SLC44A5: variants seen among roughly 807,000 people sequenced by gnomAD.
The protein encoded by SLC44A5 is choline transporter-like protein 5.
A neutral mutation model predicts 101.8 loss-of-function variants in SLC44A5; 57 were observed. That is an observed-to-expected ratio of 0.56 (90% CI 0.45 to 0.70). The LOEUF (loss-of-function observed/expected upper bound fraction) is 0.70. Ranked by LOEUF, SLC44A5 falls within the 30% of genes least tolerant of loss-of-function variation. The pLI is 0.00. For missense variants in SLC44A5, 737 were observed against 853.1 expected, an observed-to-expected ratio of 0.86 and a Z score of 1.70; for synonymous variants, 281 against 290.9, an observed-to-expected ratio of 0.97 and a Z score of 0.35.
chr1:75,424,571 A>G (rs1055722253), intron 2 of SLC44A5, among the ~76,000 whole-genome samples: 24 of 152,126 alleles, frequency 1.6e-4, no homozygotes, highest in African/African-American at 5.8e-4. Context: ...TCTCTAAAGT[A>G]GTTTTAAATA....
At chr1:75,225,000 C>G (rs1647167680) in intron 13 of SLC44A5, among the ~76,000 whole-genome samples, 1 of 152,006 alleles carries the variant, frequency 6.6e-6, no homozygotes, top group African/African-American at 2.4e-5. Context: ...TTATTGTAGC[C>G]TACATGTACA....
At chr1:75,453,612 T>G (rs923542613) in intron 2 of SLC44A5, among the ~76,000 whole-genome samples, 5 of 151,996 alleles carry the variant, frequency 3.3e-5, no homozygotes, top group African/African-American at 1.2e-4. Context: ...AACCAAAAGT[T>G]GCTTATTTGA....
chr1:75,639,020 T>C, the SLC44A5 span, among the ~76,000 whole-genome samples: 3 of 151,758 alleles, frequency 2.0e-5, no homozygotes, highest in Non-Finnish European at 4.4e-5. Context: ...AACTGGAGAG[T>C]AGATGAGTGA....
intron 2 of SLC44A5, among the ~76,000 whole-genome samples, chr1:75,483,185 G>A (rs1319642465): frequency 6.6e-6 from 1 of 152,214 alleles, no homozygotes; most frequent in Admixed American, 6.5e-5. Context: ...AAACTGGCCT[G>A]AGGGAAACAG....
At chr1:75,489,471 G>A (rs1471916034) in intron 2 of SLC44A5, among the ~76,000 whole-genome samples, 1 of 152,152 alleles carries the variant, frequency 6.6e-6, no homozygotes, top group Non-Finnish European at 1.5e-5. Flanking sequence ...TCAATAACTA[G>A]GTTTTTCATT....
At chr1:75,510,746 T>C (rs957624138) in intron 2 of SLC44A5, among the ~76,000 whole-genome samples, 10 of 152,210 alleles carry the variant, frequency 6.6e-5, no homozygotes, top group Admixed American at 2.0e-4. Flanking sequence ...AAATTCTTAA[T>C]GTGCCTTGAT....
At chr1:75,624,512 A>G in the SLC44A5 span, among the ~76,000 whole-genome samples, 373 of 152,168 alleles carry the variant, frequency 2.5e-3, 3 homozygotes, top group African/African-American at 8.7e-3. Flanking sequence ...CTCTTCTCCA[A>G]TCTTTCTTCT....
At chr1:75,683,926 T>C in the SLC44A5 span, among the ~76,000 whole-genome samples, 4 of 138,458 alleles carry the variant, frequency 2.9e-5, no homozygotes, top group Admixed American at 1.4e-4. Flanking sequence ...GCCATATTTA[T>C]AGAAGACAAA....
intron 6 of SLC44A5, among the ~76,000 whole-genome samples, chr1:75,263,018 A>G (rs1157252292): frequency 6.6e-6 from 1 of 152,244 alleles, no homozygotes; most frequent in Non-Finnish European, 1.5e-5. Flanking sequence ...ACCTTAAACC[A>G]TAAAAAACCC....
chr1:75,276,971 C>A (rs1651973820), intron 5 of SLC44A5, among the ~76,000 whole-genome samples: 1 of 152,302 alleles, frequency 6.6e-6, no homozygotes, highest in South Asian at 2.1e-4. Context: ...CAAGGGGAAG[C>A]AGGGTCAGGT....
chr1:75,219,521 G>C (rs1181012641), intron 15 of SLC44A5, among the ~76,000 whole-genome samples, 177 bp from the exon 16 acceptor site: 1 of 152,162 alleles, frequency 6.6e-6, no homozygotes, highest in African/African-American at 2.4e-5. Context: ...CAGCTGCACT[G>C]AGTGGCCCCT....
chr1:75,320,742 C>T (rs192108799), intron 4 of SLC44A5, among the ~76,000 whole-genome samples: 15 of 152,200 alleles, frequency 9.9e-5, no homozygotes, highest in African/African-American at 2.6e-4. Flanking sequence ...TAAAGAGGTA[C>T]GTGACCTAAA....
intron 3 of SLC44A5, among the ~76,000 whole-genome samples, chr1:75,343,903 G>GC (rs1250328924): frequency 9.9e-5 from 15 of 152,198 alleles, no homozygotes; most frequent in Non-Finnish European, 1.5e-4. Context: ...CATGTTCTTA[G>GC]CCATTTCTTA....
intron 2 of SLC44A5, among the ~76,000 whole-genome samples, chr1:75,485,430 C>A (rs1327306453): frequency 6.6e-6 from 1 of 152,192 alleles, no homozygotes; most frequent in African/African-American, 2.4e-5. Context: ...GAAGAGTGAC[C>A]TTTGCTCCAG....
intron 2 of SLC44A5, among the ~76,000 whole-genome samples, chr1:75,462,851 A>G (rs1666580258): frequency 6.6e-6 from 1 of 152,120 alleles, no homozygotes; most frequent in East Asian, 1.9e-4. Context: ...AGACAAAAGA[A>G]AACAGAATTT....
At chr1:75,711,040 G>C in the SLC44A5 span, among the ~76,000 whole-genome samples, 1 of 152,126 alleles carries the variant, frequency 6.6e-6, no homozygotes, top group Non-Finnish European at 1.5e-5. Flanking sequence ...AGCTATTGGT[G>C]AACTTTCAGT....
intron 2 of SLC44A5, among the ~76,000 whole-genome samples, chr1:75,473,135 A>G (rs1393236410): frequency 2.0e-5 from 3 of 152,210 alleles, no homozygotes; most frequent in Non-Finnish European, 2.9e-5. Context: ...TTGAATTACA[A>G]TCTAGCATTC....
intron 2 of SLC44A5, among the ~76,000 whole-genome samples, chr1:75,482,117 C>G (rs1259607769): frequency 5.9e-5 from 9 of 151,920 alleles, no homozygotes; most frequent in African/African-American, 9.7e-5. Flanking sequence ...CATGTCCTTT[C>G]TAGGGACATG....
the SLC44A5 span, among the ~76,000 whole-genome samples, chr1:75,701,747 T>C: frequency 6.6e-6 from 1 of 152,086 alleles, no homozygotes; most frequent in Non-Finnish European, 1.5e-5. Context: ...TGATTGTATA[T>C]CTAGAAAACC....
Sources: allele counts gnomAD v4.1 joint callset (sites outside exome capture counted in the v4.1 genomes callset), GRCh38; gene constraint gnomAD v4.1.1; transcripts MANE v1.5; gene names NCBI Gene and HGNC (gene_info 2026-07-23, HGNC 2026-07-21).